Variants in PCLO observed in about 807,000 individuals in gnomAD.
PCLO encodes protein piccolo.
In PCLO, 82 loss-of-function variants were observed where a neutral mutation model predicts 427.5. The ratio of observed to expected loss-of-function variants is 0.19; its 90% confidence interval spans 0.16 to 0.23. PCLO has a LOEUF of 0.23. Ranked by LOEUF, PCLO falls within the 10% of genes least tolerant of loss-of-function variation. The pLI is 1.00. For synonymous variants in PCLO, 2,357 were observed against 2,155.4 expected (o/e 1.09, Z -2.59); for missense variants, 6,239 against 6,115.9 (o/e 1.02, Z -0.67).
chr7:83,065,012 G>C (rs1293288671), intron 3 of PCLO, among the ~76,000 whole-genome samples: 1 of 148,922 alleles, frequency 6.7e-6, no homozygotes, highest in Non-Finnish European at 1.5e-5. Context: ...GAATCGTTTT[G>C]TGTACATTAC....
At chr7:83,042,339 A>G (rs1371464119) in intron 3 of PCLO, among the ~76,000 whole-genome samples, 1 of 152,208 alleles carries the variant, frequency 6.6e-6, no homozygotes, top group African/African-American at 2.4e-5. Context: ...ATAAATATAT[A>G]TTGCATGTTT....
At chr7:83,138,717 A>C (rs2116630018) in intron 2 of PCLO, among the ~76,000 whole-genome samples, 1 of 152,070 alleles carries the variant, frequency 6.6e-6, no homozygotes, top group Non-Finnish European at 1.5e-5. Flanking sequence ...ACAACCAAAC[A>C]AGTGAATGCA....
Position 83,135,544 on chromosome 7 carries a change from G to A in PCLO, c.2006C>T (p.Thr669Ile), listed in dbSNP as rs1003966057. The change falls in exon 3 of 25, where the codon ACA becomes ATA. Residue 669 changes from threonine (T) to isoleucine (I), a missense_variant. Coordinates refer to ENST00000333891, the MANE Select transcript of PCLO (RefSeq NM_033026.6). ...PKLKTAPVTTTSAVSKSSPQP... is the reference protein window; with the variant it reads ...PKLKTAPVTTISAVSKSSPQP... ...TGGGGATGATTTGCTCACTGCTGAT[G>A]TAGTGGTAACAGGTGCAGTCTTCAG... 3 of 1,613,644 alleles carry A rather than the reference G, an allele frequency of 1.9e-6. No individual in the cohort carries two copies. Among genetic ancestry groups the A allele is most frequent in the East Asian group, 2.2e-5 (1 of 44,834 alleles).
At chr7:83,099,158 G>T (rs992995077) in intron 3 of PCLO, among the ~76,000 whole-genome samples, 1 of 150,598 alleles carries the variant, frequency 6.6e-6, no homozygotes, top group South Asian at 2.1e-4. Flanking sequence ...GTAGACAAAG[G>T]AAAGTCATTG....
At chr7:82,835,644 C>A in intron 16 of PCLO, 23 bp downstream of exon 16, 2 of 1,599,248 alleles carry the variant, frequency 1.3e-6, no homozygotes, top group Non-Finnish European at 1.7e-6. Flanking sequence ...CAGAGCTTGA[C>A]ACTGAAAGAG....
chr7:82,790,492 A>G (rs977999665), intron 22 of PCLO, among the ~76,000 whole-genome samples: 1 of 152,186 alleles, frequency 6.6e-6, no homozygotes. Context: ...TCCTTCTACT[A>G]TGAATACATA....
chr7:83,145,413 A>G (rs1584084287), intron 2 of PCLO, among the ~76,000 whole-genome samples: 1 of 152,184 alleles, frequency 6.6e-6, no homozygotes. Context: ...AAATATACAC[A>G]CATACATACA....
At chr7:82,849,622 A>T (rs1792596758) in intron 10 of PCLO, among the ~76,000 whole-genome samples, 1 of 152,212 alleles carries the variant, frequency 6.6e-6, no homozygotes, top group African/African-American at 2.4e-5. Context: ...TTTATCTCAA[A>T]AGAGGTTCTA....
At chr7:83,079,504 T>A (rs1054450086) in intron 3 of PCLO, among the ~76,000 whole-genome samples, 2 of 149,160 alleles carry the variant, frequency 1.3e-5, no homozygotes. Flanking sequence ...TCCTTCCGAT[T>A]TCCAGTTTTT....
chr7:83,094,658 C>T (rs1790486904), intron 3 of PCLO, among the ~76,000 whole-genome samples: 1 of 152,060 alleles, frequency 6.6e-6, no homozygotes, highest in Non-Finnish European at 1.5e-5. Context: ...GGCTTATTTC[C>T]AGTTTGGGTC....
chr7:83,096,180 C>A (rs2116461921), intron 3 of PCLO, among the ~76,000 whole-genome samples: 1 of 152,096 alleles, frequency 6.6e-6, no homozygotes, highest in African/African-American at 2.4e-5. Context: ...CTAACGTGTT[C>A]TTCACACTAC....
intron 10 of PCLO, among the ~76,000 whole-genome samples, chr7:82,859,657 A>G (rs1168990936): frequency 1.3e-5 from 2 of 152,202 alleles, no homozygotes; most frequent in Non-Finnish European, 2.9e-5. Flanking sequence ...CAGACAGTAA[A>G]GACTACAGTA....
At chr7:82,979,972 A>T (rs1796110980) in intron 3 of PCLO, among the ~76,000 whole-genome samples, 1 of 152,192 alleles carries the variant, frequency 6.6e-6, no homozygotes. Context: ...ATGCTAAAGA[A>T]CAAGAGATAT....
intron 3 of PCLO, among the ~76,000 whole-genome samples, chr7:82,993,634 G>A (rs575390352): frequency 9.2e-5 from 14 of 151,878 alleles, no homozygotes; most frequent in African/African-American, 3.1e-4. Flanking sequence ...ATCAAAATGT[G>A]ATTGCACACT....
At chr7:82,847,101 G>T in intron 11 of PCLO, 38 bp downstream of exon 11, 1 of 1,156,058 alleles carries the variant, frequency 8.7e-7, no homozygotes. Context: ...GTCATGGATA[G>T]CCAAAAAATG....
chr7:83,032,441 C>T (rs1240050265), intron 3 of PCLO, among the ~76,000 whole-genome samples: 1 of 146,232 alleles, frequency 6.8e-6, no homozygotes, highest in Admixed American at 6.8e-5. Context: ...CTTCCCTTCC[C>T]TCCCTTGCCT....
chr7:82,929,439 A>G (rs1400453735), intron 6 of PCLO, among the ~76,000 whole-genome samples: 1 of 152,124 alleles, frequency 6.6e-6, no homozygotes, highest in Admixed American at 6.6e-5. Context: ...GCTCAAGTTT[A>G]AGTACAATGT....
intron 1 of PCLO, among the ~76,000 whole-genome samples, chr7:83,161,423 G>T (rs1036454080): frequency 6.6e-6 from 1 of 152,146 alleles, no homozygotes; most frequent in Non-Finnish European, 1.5e-5. Flanking sequence ...TTTGTTTACA[G>T]TAAGAAAGGC....
intron 3 of PCLO, among the ~76,000 whole-genome samples, chr7:82,996,770 T>C (rs1245687663): frequency 6.6e-6 from 1 of 151,976 alleles, no homozygotes; most frequent in East Asian, 1.9e-4. Flanking sequence ...ACTTTCTCTT[T>C]GTGTAAGTCT....
Sources: allele counts gnomAD v4.1 joint callset (sites outside exome capture counted in the v4.1 genomes callset), GRCh38; gene constraint gnomAD v4.1.1; transcripts MANE v1.5; gene names NCBI Gene and HGNC (gene_info 2026-07-23, HGNC 2026-07-21).